Variants in EGLN1 observed in about 807,000 individuals in gnomAD.
The protein encoded by EGLN1 is egl-9 family hypoxia inducible factor 1.
In EGLN1, 17 loss-of-function variants were observed where a neutral mutation model predicts 38.3. The ratio of observed to expected loss-of-function variants is 0.44; its 90% CI spans 0.30 to 0.67. The LOEUF is 0.67. Ranked by LOEUF, EGLN1 falls within the 30% of genes least tolerant of loss-of-function variation. The probability of loss-of-function intolerance (pLI) is 0.08; values close to 1 mark genes in which losing one functional copy is unlikely to be tolerated. For synonymous variants in EGLN1, 283 were observed against 257.5 expected, an observed-to-expected ratio of 1.10 and a Z score of -0.95; for missense variants, 477 against 603.3, an observed-to-expected ratio of 0.79 and a Z score of 2.19.
At chr1:231,393,719 A>C (rs1235807385) in intron 1 of EGLN1, among the ~76,000 whole-genome samples, 1 of 152,004 alleles carries the variant, frequency 6.6e-6, no homozygotes, top group Non-Finnish European at 1.5e-5. Flanking sequence ...CTCAAATTCA[A>C]CATTTCCAAA....
intron 1 of EGLN1, 117 bp downstream of exon 1, chr1:231,420,881 G>C: frequency 6.3e-7 from 1 of 1,596,964 alleles, no homozygotes; most frequent in South Asian, 1.1e-5. Context: ...ACACAAGAAA[G>C]AGCGAGTCCC....
chr1:231,396,103 TG>T (rs1033069139), intron 1 of EGLN1, among the ~76,000 whole-genome samples: 1 of 151,974 alleles, frequency 6.6e-6, no homozygotes, highest in African/African-American at 2.4e-5. Flanking sequence ...CTATAGTGTT[TG>T]GTACTATTCA....
At chr1:231,389,873 G>A (rs1225043135) in intron 1 of EGLN1, among the ~76,000 whole-genome samples, 3 of 152,124 alleles carry the variant, frequency 2.0e-5, no homozygotes, top group Non-Finnish European at 2.9e-5. Flanking sequence ...ACTTGAACCC[G>A]GGAGGCAGAG....
intron 3 of EGLN1, among the ~76,000 whole-genome samples, chr1:231,368,636 G>A (rs980671509): frequency 1.3e-5 from 2 of 152,196 alleles, no homozygotes; most frequent in African/African-American, 4.8e-5. Context: ...CAGTTCCTGG[G>A]CAGAATATAG....
At chr1:231,383,181 T>G (rs1688116288) in intron 1 of EGLN1, among the ~76,000 whole-genome samples, 1 of 152,150 alleles carries the variant, frequency 6.6e-6, no homozygotes, top group East Asian at 1.9e-4. Context: ...AAATTTTTTT[T>G]GTGTGTGGCA....
intron 1 of EGLN1, among the ~76,000 whole-genome samples, chr1:231,379,937 A>G (rs967234362): frequency 2.0e-5 from 3 of 152,206 alleles, no homozygotes; most frequent in African/African-American, 7.2e-5. Flanking sequence ...CTTCCAAAGC[A>G]CACATACACA....
chr1:231,399,367 T>A (rs1425975663), intron 1 of EGLN1, among the ~76,000 whole-genome samples: 1 of 152,202 alleles, frequency 6.6e-6, no homozygotes, highest in Non-Finnish European at 1.5e-5. Flanking sequence ...AGCTAATATG[T>A]GGCAGGGGTA....
intron 1 of EGLN1, among the ~76,000 whole-genome samples, chr1:231,394,787 C>CA (rs992220400): frequency 2.0e-5 from 3 of 152,220 alleles, no homozygotes; most frequent in African/African-American, 7.2e-5. Context: ...TTTTCACCCC[C>CA]AGATTTCTAA....
At chr1:231,370,440 TA>T in intron 3 of EGLN1, 121 bp downstream of exon 3, 1 of 1,043,742 alleles carries the variant, frequency 9.6e-7, no homozygotes, top group Non-Finnish European at 1.5e-6. Context: ...TTATTCAAAT[TA>T]AAATGACTGT....
At chr1:231,384,113 G>C (rs1014699449) in intron 1 of EGLN1, among the ~76,000 whole-genome samples, 20 of 152,092 alleles carry the variant, frequency 1.3e-4, no homozygotes, top group African/African-American at 3.1e-4. Context: ...GGGCAGCTTA[G>C]AGCAACAGTA....
intron 1 of EGLN1, among the ~76,000 whole-genome samples, chr1:231,387,978 G>C (rs2790887): frequency 0.55 from 82,931 of 152,036 alleles, 24,243 homozygotes; most frequent in Non-Finnish European, 0.65. Flanking sequence ...AACCTGTTAA[G>C]TGATCTACCC....
chr1:231,379,009 C>CT (rs1688020353), intron 1 of EGLN1, among the ~76,000 whole-genome samples: 1 of 152,044 alleles, frequency 6.6e-6, no homozygotes, highest in South Asian at 2.1e-4. Context: ...TACAGCAAAC[C>CT]TTAGGTAGGC....
At chr1:231,378,695 G>C (rs1365500965) in intron 1 of EGLN1, among the ~76,000 whole-genome samples, 1 of 152,180 alleles carries the variant, frequency 6.6e-6, no homozygotes, top group Non-Finnish European at 1.5e-5. Flanking sequence ...GGAATCTAGA[G>C]ACATTTATTT....
intron 2 of EGLN1, among the ~76,000 whole-genome samples, chr1:231,372,440 T>C (rs550808426): frequency 1.3e-5 from 2 of 152,208 alleles, no homozygotes; most frequent in Non-Finnish European, 2.9e-5. Context: ...CTAAGTATTA[T>C]AGAAATTATA....
chr1:231,421,707 C>T lies in EGLN1; in HGVS notation c.182G>A (p.Ser61Asn). The T allele has an allele frequency of 6.6e-7, 1 of 1,518,982 alleles. No individual in the cohort carries two copies. The highest frequency in any genetic ancestry group is 8.8e-7 in the Non-Finnish European group (1 of 1,139,856). 94.1% of individuals were successfully genotyped at this position (1,518,982 alleles called of 1,614,324 possible). Residue 61 changes from serine (S) to asparagine (N), a missense_variant, in exon 1 of 5, where the codon AGC becomes AAC. Physicochemically the swap from Ser to Asn is conservative, Grantham distance 46 (BLOSUM62 1). Transcript: ENST00000366641. This position sits in a 1 kb window ranked among gnomAD's most constrained non-coding sequence, Gnocchi z 5.5. ...WKKHKLVCQG[S>N]EGALGHGVGP... ...CACTCCGTGGCCGAGGGCGCCCTCG[C>T]TGCCCTGGCACACGAGCTTGTGCTT...
At chr1:231,399,548 T>A (rs756944303) in intron 1 of EGLN1, among the ~76,000 whole-genome samples, 3 of 152,176 alleles carry the variant, frequency 2.0e-5, no homozygotes, top group Non-Finnish European at 4.4e-5. Flanking sequence ...TACAGTATCA[T>A]GTAAGCCAAC....
intron 1 of EGLN1, among the ~76,000 whole-genome samples, chr1:231,377,018 AG>A (rs1687977668): frequency 6.6e-6 from 1 of 152,202 alleles, no homozygotes; most frequent in Admixed American, 6.5e-5. Flanking sequence ...TGTGCTAAGA[AG>A]GGCCAGGAAG....
At chr1:231,403,812 T>C (rs1171959929) in intron 1 of EGLN1, among the ~76,000 whole-genome samples, 1 of 136,672 alleles carries the variant, frequency 7.3e-6, no homozygotes, top group Non-Finnish European at 1.6e-5. Context: ...AGTTAAAATA[T>C]ATATGCAATT....
rs1245182672 is a variant in EGLN1 at position 231,374,014 on chromosome 1, C to T, written c.977G>A (p.Cys326Tyr). ...CCAGTCTTTATTAAGATAATATATA[C>T]ATGTCACACATCTTCCATCTCCATT... ...NPNGDGRCVT[C>Y]IYYLNKDWDA... is the part of the protein sequence containing the mutation. Residue 326 changes from cysteine to tyrosine, a missense_variant, in exon 2 of 5, where the codon TGT (cysteine) becomes TAT (tyrosine). Physicochemically the swap from Cys to Tyr is radical, Grantham distance 194 (BLOSUM62 -2). Around this residue, in one of 4 missense-constraint regions of EGLN1, gnomAD observed 1 missense variants for 16.5 expected, o/e 0.06. Transcript: ENST00000366641. 1.2e-6 allele frequency: 2 copies of T among 1,613,654 alleles called. No homozygotes were observed. Among genetic ancestry groups the T allele is most frequent in the Admixed American group, 3.3e-5 (2 of 60,020 alleles).
Sources: gnomAD v4.1 joint callset for allele counts (sites outside exome capture counted in the v4.1 genomes callset) on GRCh38, gnomAD v4.1.1 for gene constraint, gnomAD v4.1.1 regional missense constraint, Gnocchi (gnomAD v3.1) non-coding constraint, MANE v1.5 for transcripts, NCBI Gene and HGNC (gene_info 2026-07-23, HGNC 2026-07-21) for gene names.